Variants in LIMCH1 observed in about 807,000 individuals in gnomAD.
The protein encoded by LIMCH1 is LIM and calponin homology domains-containing protein 1.
In LIMCH1, 113 loss-of-function variants were observed where a neutral mutation model predicts 176.5. The observed-to-expected ratio is 0.64, with a 90% CI of 0.55 to 0.75. The LOEUF (loss-of-function observed/expected upper bound fraction) is 0.75. Ranked by LOEUF, LIMCH1 falls within the 30% of genes least tolerant of loss-of-function variation. The pLI, the probability that LIMCH1 is intolerant of heterozygous loss-of-function variation, is 0.00. For missense variants in LIMCH1, 1,674 were observed against 1,814.9 expected, an observed-to-expected ratio of 0.92 and a Z score of 1.41; for synonymous variants, 619 against 645.9, an observed-to-expected ratio of 0.96 and a Z score of 0.63.
At chr4:41,581,553 T>A (rs1337132014) in intron 1 of LIMCH1, among the ~76,000 whole-genome samples, 3 of 152,062 alleles carry the variant, frequency 2.0e-5, no homozygotes, top group Non-Finnish European at 4.4e-5. Context: ...ACACCTGTAA[T>A]CCCAGCACTT....
chr4:41,572,443 A>C (rs56080820), intron 1 of LIMCH1, among the ~76,000 whole-genome samples: 2,015 of 152,304 alleles, frequency 0.013, 20 homozygotes, highest in Middle Eastern at 0.024. Context: ...AAAATATGAG[A>C]CATCTTAATA....
upstream of LIMCH1, among the ~76,000 whole-genome samples, chr4:41,535,179 A>G (rs893004335): frequency 7.3e-4 from 110 of 151,186 alleles, no homozygotes; most frequent in Middle Eastern, 3.4e-3. Flanking sequence ...AAAAAAAAAA[A>G]AAAAAGAAAA....
intron 2 of LIMCH1, among the ~76,000 whole-genome samples, chr4:41,495,739 AGAGT>A (rs759131263): frequency 1.1e-4 from 17 of 152,230 alleles, no homozygotes; most frequent in African/African-American, 3.9e-4. Context: ...TCAAAAGGAT[AGAGT>A]GAGTGAGGCA....
At chr4:41,656,910 T>A (rs2094480222) in intron 18 of LIMCH1, among the ~76,000 whole-genome samples, 1 of 152,188 alleles carries the variant, frequency 6.6e-6, no homozygotes, top group African/African-American at 2.4e-5. Context: ...AGGAGGGTGC[T>A]TGCCCTCCTG....
At chr4:41,644,015 G>A (rs1453050481) in intron 14 of LIMCH1, among the ~76,000 whole-genome samples, 5 of 152,158 alleles carry the variant, frequency 3.3e-5, no homozygotes, top group Admixed American at 2.0e-4. Flanking sequence ...CATTCACATA[G>A]GAAGCCTTTA....
intron 1 of LIMCH1, among the ~76,000 whole-genome samples, chr4:41,416,594 G>A (rs1005468735): frequency 6.6e-6 from 1 of 150,676 alleles, no homozygotes; most frequent in African/African-American, 2.5e-5. Flanking sequence ...GGAATTGGAG[G>A]TTGCAGTGAG....
At chr4:41,494,460 C>A (rs552785006) in intron 1 of LIMCH1, 134 of 989,850 alleles carry the variant, frequency 1.4e-4, no homozygotes, top group Non-Finnish European at 2.0e-4. Flanking sequence ...CACATACACA[C>A]ACACATATAT....
intron 1 of LIMCH1, among the ~76,000 whole-genome samples, chr4:41,369,771 C>T (rs1038673268): frequency 6.6e-6 from 1 of 151,648 alleles, no homozygotes; most frequent in Non-Finnish European, 1.5e-5. Context: ...CACCCTGTTC[C>T]CTCCTTGTTT....
At chr4:41,558,024 A>G (rs532190326) in intron 1 of LIMCH1, among the ~76,000 whole-genome samples, 4 of 152,222 alleles carry the variant, frequency 2.6e-5, no homozygotes, top group African/African-American at 9.6e-5. Flanking sequence ...CACACGTGTC[A>G]GCCTGGTGAT....
intron 1 of LIMCH1, among the ~76,000 whole-genome samples, chr4:41,426,624 A>G (rs78546522): frequency 0.019 from 2,828 of 152,322 alleles, 75 homozygotes; most frequent in African/African-American, 0.06. Flanking sequence ...AAAGAGTCCA[A>G]TATATACTGC....
chr4:41,382,435 T>G (rs2055826270), intron 1 of LIMCH1, among the ~76,000 whole-genome samples: 1 of 151,862 alleles, frequency 6.6e-6, no homozygotes. Context: ...TATGTATTTA[T>G]AGCCAAGGAA....
At chr4:41,377,542 A>G (rs1184383339) in intron 1 of LIMCH1, among the ~76,000 whole-genome samples, 1 of 152,184 alleles carries the variant, frequency 6.6e-6, no homozygotes, top group South Asian at 2.1e-4. Context: ...AGATGTGAAC[A>G]TTCTCCCTGG....
chr4:41,632,745 G>A lies in LIMCH1; in HGVS notation c.1602-4G>A, dbSNP rs757470801. ...TGCCACCAATGCTACTTGATCGTCT[G>A]CAGAACAATGAATTGTGGCCGAGGT... On this transcript the variant is annotated splice_polypyrimidine_tract_variant and splice_region_variant and intron_variant, in intron 10 of 31. Coordinates refer to ENST00000503057, the MANE Select transcript of LIMCH1 (RefSeq NM_001330672.2). 20 of 1,535,506 alleles carry A rather than the reference G, an allele frequency of 1.3e-5. No individual in the cohort carries two copies. The highest frequency in any genetic ancestry group is 1.7e-5 in the Non-Finnish European group (20 of 1,146,380).
chr4:41,568,545 A>G (rs1244256803), intron 1 of LIMCH1, among the ~76,000 whole-genome samples: 1 of 152,230 alleles, frequency 6.6e-6, no homozygotes, highest in East Asian at 1.9e-4. Context: ...AATGCGAGAA[A>G]AATACTCTAA....
chr4:41,513,642 C>T (rs2075204194), intron 2 of LIMCH1, among the ~76,000 whole-genome samples: 2 of 152,146 alleles, frequency 1.3e-5, no homozygotes, highest in Non-Finnish European at 1.5e-5. Context: ...AAAAGCCTGT[C>T]CGATGATCCT....
intron 1 of LIMCH1, among the ~76,000 whole-genome samples, chr4:41,574,074 TATC>T (rs1561796414): frequency 2.0e-5 from 3 of 151,984 alleles, no homozygotes; most frequent in Non-Finnish European, 4.4e-5. Flanking sequence ...CGGCAGGAAA[TATC>T]ATGGGTTTTG....
intron 8 of LIMCH1, among the ~76,000 whole-genome samples, chr4:41,628,417 TA>T (rs34078359): frequency 0.016 from 2,104 of 133,620 alleles, 25 homozygotes; most frequent in East Asian, 0.086. Flanking sequence ...AAGAACTTAT[TA>T]AAAAAAAAAA....
chr4:41,533,386 G>A (rs1291400820), upstream of LIMCH1, among the ~76,000 whole-genome samples: 11 of 152,186 alleles, frequency 7.2e-5, no homozygotes, highest in Non-Finnish European at 1.0e-4. Flanking sequence ...TGCTTGTCCC[G>A]ATGAATGAAA....
chr4:41,673,396 C>T (rs115140976), intron 22 of LIMCH1, among the ~76,000 whole-genome samples: 2 of 152,160 alleles, frequency 1.3e-5, no homozygotes, highest in African/African-American at 4.8e-5. Flanking sequence ...GAAACACATT[C>T]GCATTTCTTG....
Sources: gnomAD v4.1 joint callset for allele counts (sites outside exome capture counted in the v4.1 genomes callset) on GRCh38, gnomAD v4.1.1 for gene constraint, MANE v1.5 for transcripts, NCBI Gene and HGNC (gene_info 2026-07-23, HGNC 2026-07-21) for gene names.